MYH14: variants seen among roughly 807,000 people sequenced by gnomAD.
MYH14 encodes the protein myosin heavy chain 14.
MYH14 carries 123 observed loss-of-function variants against 255.5 expected under a neutral mutation model. The observed-to-expected ratio is 0.48, with a 90% CI of 0.42 to 0.56. The LOEUF is 0.56. Among genes scored for constraint, MYH14 ranks in the 20% least tolerant of loss-of-function variants. The pLI is 0.00. For synonymous variants in MYH14, 1,095 were observed against 1,161.2 expected, an observed-to-expected ratio of 0.94 and a Z score of 1.16; for missense variants, 2,423 against 2,802.3, an observed-to-expected ratio of 0.86 and a Z score of 3.06.
At chr19:50,307,602 G>T (rs1193209483) in intron 41 of MYH14, among the ~76,000 whole-genome samples, 1 of 152,194 alleles carries the variant, frequency 6.6e-6, no homozygotes, top group Non-Finnish European at 1.5e-5. Context: ...TATTTAGCTG[G>T]TAAGAGGTGG....
chr19:50,257,911 C>T (rs928364672), intron 18 of MYH14, among the ~76,000 whole-genome samples: 2 of 152,068 alleles, frequency 1.3e-5, no homozygotes, highest in African/African-American at 4.8e-5. Context: ...CTGAAGGATA[C>T]GTGATATTCC....
At position 50,230,487 on chromosome 19, in the gene MYH14, G is replaced by A. The variant is rs990718067; in HGVS notation, c.875-38G>A. On this transcript the variant is annotated intron_variant, in intron 8 of 42. Coordinates refer to ENST00000642316, the MANE Select transcript of MYH14 (RefSeq NM_001145809.2). This position sits in a 1 kb window ranked among gnomAD's most constrained non-coding sequence, Gnocchi z 4.7. ...GTAGTGGCCTGGCAGCGTCGGGGCC[G>A]TCCCTTCCCCTCTAGCACCTTGACT... 1.8e-5 allele frequency: 28 copies of A among 1,534,612 alleles called. No individual in the cohort carries two copies. The highest frequency in any genetic ancestry group is 2.3e-5 in the Non-Finnish European group (26 of 1,132,786).
At chr19:50,295,034 G>A (rs1331534928) in intron 39 of MYH14, among the ~76,000 whole-genome samples, 5 of 143,856 alleles carry the variant, frequency 3.5e-5, no homozygotes, top group Non-Finnish European at 4.6e-5. Flanking sequence ...TTTAAAAACA[G>A]GCCAGGTGTG....
Position 50,252,799 on chromosome 19 carries a change from C to A in MYH14, c.1945+46C>A. 7.2e-7 allele frequency: 1 copy of A among 1,379,490 alleles called. No homozygotes were observed. Among genetic ancestry groups the A allele is most frequent in the Non-Finnish European group, 1.0e-6 (1 of 994,604 alleles). The allele number at this position is 1,379,490 out of a possible 1,614,324, so 85.5% of individuals were successfully genotyped here. A position where few individuals can be genotyped will look rare whatever the true frequency, so the allele number is the denominator to read the frequency against. ...CCCCGGCTCTAGGGGTCTGTGCGGCCATTCTCCAAATCCACAGCGTGAGCA... is the reference window on the plus strand; with the variant it reads ...CCCCGGCTCTAGGGGTCTGTGCGGCAATTCTCCAAATCCACAGCGTGAGCA... On this transcript the variant is annotated intron_variant, in intron 16 of 42. Coordinates refer to ENST00000642316, the MANE Select transcript of MYH14 (RefSeq NM_001145809.2). This position sits in a 1 kb window ranked among gnomAD's most constrained non-coding sequence, Gnocchi z 4.2.
chr19:50,290,046 C>T (rs1015370830), intron 35 of MYH14, among the ~76,000 whole-genome samples: 1 of 152,080 alleles, frequency 6.6e-6, no homozygotes, highest in African/African-American at 2.4e-5. Context: ...ATCTGCCACC[C>T]CATCTATTCA....
At chr19:50,247,724 T>C (rs1178611101) in intron 12 of MYH14, among the ~76,000 whole-genome samples, 1 of 150,900 alleles carries the variant, frequency 6.6e-6, no homozygotes, top group Non-Finnish European at 1.5e-5. Flanking sequence ...GAACCGCAAG[T>C]GTAAAGGCCC....
At chr19:50,309,451 T>C in intron 42 of MYH14, 189 bp from the exon 43 acceptor site, 1 of 621,316 alleles carries the variant, frequency 1.6e-6, no homozygotes, top group Non-Finnish European at 2.9e-6. Context: ...CCTTCATCTC[T>C]CTCTGCCCCC....
At chr19:50,233,796 T>C (rs1483406270) in intron 10 of MYH14, among the ~76,000 whole-genome samples, 1 of 101,940 alleles carries the variant, frequency 9.8e-6, no homozygotes, top group African/African-American at 4.0e-5. Context: ...TGTCCAAAAT[T>C]CCCCCTCCCC....
intron 21 of MYH14, among the ~76,000 whole-genome samples, chr19:50,262,537 CA>C (rs57145637): frequency 0.039 from 4,456 of 113,390 alleles, 127 homozygotes; most frequent in African/African-American, 0.097. Flanking sequence ...GACTCTGTAT[CA>C]AAAAAAAAAA....
rs1346820820 is a variant in MYH14 at position 50,217,663 on chromosome 19, C to T, written c.454C>T (p.Pro152Ser). Residue 152 changes from proline (P) to serine (S), a missense_variant, in exon 3 of 43, where the codon CCC (proline) becomes TCC (serine). Transcript: ENST00000642316. ...CVVINPYKQL[P>S]IYTEAIVEMY... ...GGTCATCAACCCGTACAAGCAGCTT[C>T]CCATCTACACAGAAGCCATTGTGGA... The T allele has an allele frequency of 6.2e-7, 1 of 1,613,802 alleles. No individual in the cohort carries two copies. Among genetic ancestry groups the T allele is most frequent in the Non-Finnish European group, 8.5e-7 (1 of 1,179,842 alleles).
Position 50,280,001 on chromosome 19 carries a change from C to T in MYH14, c.4033-36C>T, listed in dbSNP as rs770741150. 18 of 1,500,552 alleles carry T rather than the reference C, an allele frequency of 1.2e-5. No homozygotes were observed. The highest frequency in any genetic ancestry group is 1.5e-5 in the Non-Finnish European group (16 of 1,091,870). The allele number at this position is 1,500,552 out of a possible 1,614,324, so 93.0% of individuals were successfully genotyped here. A position where few individuals can be genotyped will look rare whatever the true frequency, so the allele number is the denominator to read the frequency against. ...AGATGGGGTCACTGGGTGGAAGCCA[C>T]GATTGGAGGGCTTCATTCCCGTCCC... On this transcript the variant is annotated intron_variant, in intron 30 of 42. Transcript: ENST00000642316. The surrounding 1 kb of genome is among the most constrained non-coding windows in gnomAD (Gnocchi z 4.8).
chr19:50,241,747 A>G (rs1254216056), intron 10 of MYH14, among the ~76,000 whole-genome samples: 1 of 151,274 alleles, frequency 6.6e-6, no homozygotes, highest in East Asian at 2.0e-4. Flanking sequence ...GGCTCAGGTG[A>G]TCCTCCTACC....
At chr19:50,279,993 G>A (rs1447509827) in intron 30 of MYH14, 44 bp from the exon 31 acceptor site, 1 of 1,434,044 alleles carries the variant, frequency 7.0e-7, no homozygotes, top group Non-Finnish European at 9.7e-7. Flanking sequence ...GTCACTGGGT[G>A]GAAGCCACGA....
chr19:50,287,999 G>A (rs2035947451), intron 34 of MYH14, among the ~76,000 whole-genome samples: 1 of 152,080 alleles, frequency 6.6e-6, no homozygotes, highest in Non-Finnish European at 1.5e-5. Flanking sequence ...CCCTTAACTC[G>A]TGTATCCCTC....
Position 50,310,383 on chromosome 19 carries a change from GCAGGACAAGGGGAC to G in MYH14, c.*595_*608del, listed in dbSNP as rs967091412. ...ACCAGCCTTGAACCCTTGCAAAGGGGCAGGACAAGGGGACCCCTCTCACTCCTGCTGCTGCCCAT... is the reference window on the plus strand; with the variant it reads ...ACCAGCCTTGAACCCTTGCAAAGGGGCCCTCTCACTCCTGCTGCTGCCCAT... On this transcript the variant is annotated 3_prime_UTR_variant, in exon 43 of 43. Coordinates refer to ENST00000642316, the MANE Select transcript of MYH14 (RefSeq NM_001145809.2). 2 of 156,578 alleles carry G rather than the reference GCAGGACAAGGGGAC, an allele frequency of 1.3e-5. No homozygotes were observed. The highest frequency in any genetic ancestry group is 6.5e-5 in the Admixed American group (1 of 15,384). 9.7% of individuals were successfully genotyped at this position (156,578 alleles called of 1,614,324 possible). A position where few individuals can be genotyped will look rare whatever the true frequency, so the allele number is the denominator to read the frequency against.
rs979306141 is a variant in MYH14 at position 50,260,527 on chromosome 19, GTTA to G, written c.2355-116_2355-114del. ...AGATGTGAGTTTTGTGACTGTCCTT[GTTA>G]TTGTCACTGTTGTTCCTGCTGTGTG... On this transcript the variant is annotated intron_variant, in intron 19 of 42. Transcript: ENST00000642316. 20 of 689,796 alleles carry G rather than the reference GTTA, an allele frequency of 2.9e-5. No homozygotes were observed. In the African/African-American group the frequency reaches 3.0e-4, roughly 10 times the overall value. 42.7% of individuals were successfully genotyped at this position (689,796 alleles called of 1,614,324 possible). A position where few individuals can be genotyped will look rare whatever the true frequency, so the allele number is the denominator to read the frequency against.
At chr19:50,236,420 G>A (rs1300454962) in intron 10 of MYH14, among the ~76,000 whole-genome samples, 1 of 150,288 alleles carries the variant, frequency 6.7e-6, no homozygotes, top group African/African-American at 2.4e-5. Flanking sequence ...TCTTAGAAAC[G>A]AAATGCCAGC....
Position 50,292,325 on chromosome 19 carries a change from C to T in MYH14, c.5192C>T (p.Ser1731Phe), listed in dbSNP as rs1387624378. The change falls in exon 37 of 43, where the codon TCC becomes TTC. Residue 1731 changes from serine to phenylalanine, a missense_variant. By Grantham distance (155) the Ser-to-Phe change is radical. This residue lies in a region of MYH14 where 1,513 missense variants were observed against 1,674.8 expected (regional missense o/e 0.90). Transcript: ENST00000642316. Reference protein sequence around the residue: ...ETRTSREEIFSQNRESEKRLK... With the variant: ...ETRTSREEIFFQNRESEKRLK... ...CGCACCTCCCGGGAGGAGATCTTCT[C>T]CCAGAATCGGGAAAGTGAAAAGCGC... is the stretch of plus-strand genomic sequence containing the variant. 1.3e-6 allele frequency: 2 copies of T among 1,596,802 alleles called. No homozygotes were observed. Among genetic ancestry groups the T allele is most frequent in the Non-Finnish European group, 1.7e-6 (2 of 1,172,454 alleles).
chr19:50,245,074 A>C (rs1187221105), intron 11 of MYH14, among the ~76,000 whole-genome samples: 1 of 152,186 alleles, frequency 6.6e-6, no homozygotes, highest in Non-Finnish European at 1.5e-5. Context: ...TCTCTTTATT[A>C]TTATAAAATA....
Sources: allele counts gnomAD v4.1 joint callset (sites outside exome capture counted in the v4.1 genomes callset), GRCh38; gene constraint gnomAD v4.1.1; regional missense constraint gnomAD v4.1.1; non-coding constraint Gnocchi (gnomAD v3.1); transcripts MANE v1.5; gene names NCBI Gene and HGNC (gene_info 2026-07-23, HGNC 2026-07-21).